The following MAPKAP1 variants were observed in gnomAD, a reference collection of about 807,000 sequenced individuals.
MAPKAP1 encodes MAPK associated protein 1.
In MAPKAP1, 20 loss-of-function variants were observed where a neutral mutation model predicts 65.7. That is an observed-to-expected ratio of 0.30 (90% CI 0.21 to 0.44). MAPKAP1 has a LOEUF of 0.44. MAPKAP1 is among the 20% of genes least tolerant of loss of function. The pLI is 1.00. For missense variants in MAPKAP1, 423 were observed against 648.0 expected (o/e 0.65, Z 3.77); for synonymous variants, 222 against 244.3 (o/e 0.91, Z 0.85).
At chr9:125,696,444 CAAACAAAA>C (rs918977629) in intron 1 of MAPKAP1, 2 of 145,600 alleles carry the variant, frequency 1.4e-5, no homozygotes, top group African/African-American at 2.5e-5. Context: ...AAAAAACAAA[CAAACAAAA>C]AAACAAATAA....
rs114887418 is a variant in MAPKAP1, at chr9:125,567,402, C to G, written c.672-7593G>C. 5.0e-3 allele frequency among the ~76,000 whole-genome samples: 755 copies of G among 152,254 alleles called. 5 individuals carry two copies. Among genetic ancestry groups the G allele is most frequent in the African/African-American group, 0.017 (714 of 41,554 alleles). Reference sequence around the variant, plus strand: ...ACTGAAACCAAAATGGCAACAAGAGCGACCTCTGGTCATCCTCACTGCTAC... The same window carrying G: ...ACTGAAACCAAAATGGCAACAAGAGGGACCTCTGGTCATCCTCACTGCTAC... On this transcript the variant is annotated intron_variant, in intron 5 of 11. Coordinates refer to ENST00000265960, the MANE Select transcript of MAPKAP1 (RefSeq NM_001006617.3).
chr9:125,579,731 G>A (rs1311317420), intron 5 of MAPKAP1, among the ~76,000 whole-genome samples: 1 of 152,112 alleles, frequency 6.6e-6, no homozygotes, highest in Non-Finnish European at 1.5e-5. Context: ...GACCAAATAA[G>A]GATCTATTCC....
chr9:125,464,862 C>T (rs1024428298), intron 10 of MAPKAP1, among the ~76,000 whole-genome samples: 3 of 152,216 alleles, frequency 2.0e-5, no homozygotes, highest in African/African-American at 7.2e-5. Context: ...GAGTTCTATG[C>T]CTTATGACGA....
chr9:125,468,221 T>C lies in MAPKAP1; in HGVS notation c.1208-112A>G. 2.6e-6 allele frequency: 3 copies of C among 1,142,362 alleles called. No individual in the cohort carries two copies. In the South Asian group the frequency reaches 4.4e-5, roughly 17 times the overall value. 70.8% of individuals were successfully genotyped at this position (1,142,362 alleles called of 1,614,324 possible). ...AATCTGAAATTGCATGAACGTGAGCTCTTTCTTAGGGCTTTGGGGAATGCC... is the reference window on the plus strand; with the variant it reads ...AATCTGAAATTGCATGAACGTGAGCCCTTTCTTAGGGCTTTGGGGAATGCC... On this transcript the variant is annotated intron_variant, in intron 9 of 11. Coordinates refer to ENST00000265960, the MANE Select transcript of MAPKAP1 (RefSeq NM_001006617.3).
chr9:125,549,005 T>G (rs199672686), intron 6 of MAPKAP1, among the ~76,000 whole-genome samples: 1 of 152,172 alleles, frequency 6.6e-6, no homozygotes, highest in Admixed American at 6.5e-5. Context: ...TGTTAATCCC[T>G]CCACAGCCGC....
intron 7 of MAPKAP1, among the ~76,000 whole-genome samples, chr9:125,533,653 G>C (rs1289555558): frequency 6.6e-6 from 1 of 152,068 alleles, no homozygotes; most frequent in African/African-American, 2.4e-5. Context: ...GTTTTGCCAC[G>C]TTGGCCAGGC....
chr9:125,692,449 AT>A (rs1483669412), intron 1 of MAPKAP1, among the ~76,000 whole-genome samples: 1 of 152,248 alleles, frequency 6.6e-6, no homozygotes, highest in Non-Finnish European at 1.5e-5. Flanking sequence ...GAACAGGCAA[AT>A]CCATAGAGAC....
intron 10 of MAPKAP1, among the ~76,000 whole-genome samples, chr9:125,453,777 T>G (rs1034664547): frequency 6.6e-6 from 1 of 152,248 alleles, no homozygotes; most frequent in Non-Finnish European, 1.5e-5. Flanking sequence ...TTGACATATT[T>G]CATTTGACAA....
intron 4 of MAPKAP1, chr9:125,650,547 T>C (rs533762669): frequency 6.6e-6 from 1 of 152,360 alleles, no homozygotes; most frequent in African/African-American, 2.4e-5. Context: ...ATCAAAAGAT[T>C]TTAACCCAAG....
chr9:125,525,362 CT>C (rs903734993), intron 7 of MAPKAP1, among the ~76,000 whole-genome samples: 2 of 152,148 alleles, frequency 1.3e-5, no homozygotes, highest in African/African-American at 4.8e-5. Context: ...GGTTAAGAAA[CT>C]TATCAGAGAG....
rs781163492 is a variant in MAPKAP1, at chr9:125,672,490, T to G, written c.85A>C (p.Met29Leu). The G allele has an allele frequency of 6.2e-7, 1 of 1,614,184 alleles. No individual in the cohort carries two copies. The highest frequency in any genetic ancestry group is 1.1e-5 in the South Asian group (1 of 91,084). Residue 29 changes from methionine (M) to leucine (L), a missense_variant, in exon 2 of 12, where the codon ATG becomes CTG. Met to Leu is a conservative substitution (Grantham distance 15, BLOSUM62 2). This residue lies in a region of MAPKAP1 where 58 missense variants were observed against 56.9 expected (regional missense o/e 1.02). Transcript: ENST00000265960. ...TCAACATCATGATCAATGAGAACCA[T>G]CTCACACATTCCCGTGTCATCACTG... ...VTSDDTGMCEMVLIDHDVDLE... is the reference protein window; with the variant it reads ...VTSDDTGMCELVLIDHDVDLE...
intron 3 of MAPKAP1, among the ~76,000 whole-genome samples, chr9:125,665,685 T>C (rs1315434730): frequency 2.0e-5 from 3 of 152,102 alleles, no homozygotes; most frequent in Non-Finnish European, 2.9e-5. Flanking sequence ...AACCCCCATC[T>C]ACTAAATCAA....
chr9:125,588,378 T>A (rs1266390255), intron 4 of MAPKAP1, among the ~76,000 whole-genome samples: 1 of 152,112 alleles, frequency 6.6e-6, no homozygotes, highest in Non-Finnish European at 1.5e-5. Flanking sequence ...GAAAGTAGAT[T>A]AGCGGTTGGC....
intron 5 of MAPKAP1, among the ~76,000 whole-genome samples, chr9:125,577,597 G>T (rs1478408901): frequency 1.0e-5 from 1 of 100,452 alleles, no homozygotes; most frequent in African/African-American, 3.8e-5. Flanking sequence ...CAGCCGCCCC[G>T]TCCGGGAGGG....
At chr9:125,645,139 C>G (rs1588032655) in intron 4 of MAPKAP1, among the ~76,000 whole-genome samples, 1 of 152,224 alleles carries the variant, frequency 6.6e-6, no homozygotes, top group Non-Finnish European at 1.5e-5. Flanking sequence ...AGGAGATGAG[C>G]TGAAAGGGAC....
At chr9:125,528,847 CAAAAAAAAAAAAAAAA>C (rs61378848) in intron 7 of MAPKAP1, among the ~76,000 whole-genome samples, 4 of 44,124 alleles carry the variant, frequency 9.1e-5, no homozygotes, top group South Asian at 1.1e-3. Context: ...GACTCCGTCT[CAAAAAAAAAAAAAAAA>C]AAAAAAAAAA....
At position 125,484,566 on chromosome 9, in the gene MAPKAP1, C is replaced by T; in HGVS notation, c.1084G>A (p.Val362Ile). Reference sequence around the variant, plus strand: ...TCAATTTGCGAATCCTCCTCAAAAACCCCGTCTGCCCTTGAACCTGGGGAG... The same window carrying T: ...TCAATTTGCGAATCCTCCTCAAAAATCCCGTCTGCCCTTGAACCTGGGGAG... ...VRENSSRADG[V>I]FEEDSQIDIA... The change falls in exon 9 of 12, where the codon GTT becomes ATT. Residue 362 changes from valine (V) to isoleucine (I), a missense_variant. By Grantham distance (29) the Val-to-Ile change is conservative (BLOSUM62 3). This residue lies in a region of MAPKAP1 where 185 missense variants were observed against 268.1 expected (regional missense o/e 0.69). Transcript: ENST00000265960. The T allele has an allele frequency of 6.2e-7, 1 of 1,610,126 alleles. No individual in the cohort carries two copies. The highest frequency in any genetic ancestry group is 1.1e-5 in the South Asian group (1 of 89,938).
At chr9:125,544,632 G>C (rs974825680) in intron 6 of MAPKAP1, among the ~76,000 whole-genome samples, 3 of 152,188 alleles carry the variant, frequency 2.0e-5, no homozygotes, top group Non-Finnish European at 4.4e-5. Flanking sequence ...ATTCCAAGTA[G>C]CTCATGTAAC....
chr9:125,529,477 C>T (rs992826969), intron 7 of MAPKAP1, among the ~76,000 whole-genome samples: 1 of 146,386 alleles, frequency 6.8e-6, no homozygotes, highest in Non-Finnish European at 1.5e-5. Flanking sequence ...TTAATTCACA[C>T]TGTTCTGCTA....
Sources: allele counts gnomAD v4.1 joint callset (sites outside exome capture counted in the v4.1 genomes callset), GRCh38; gene constraint gnomAD v4.1.1; regional missense constraint gnomAD v4.1.1; transcripts MANE v1.5; gene names NCBI Gene and HGNC (gene_info 2026-07-23, HGNC 2026-07-21).